Variants in AKAP13 observed in about 807,000 individuals in gnomAD.
The protein encoded by AKAP13 is A-kinase anchoring protein 13.
A neutral mutation model predicts 264.5 loss-of-function variants in AKAP13; 80 were observed. That is an observed-to-expected ratio of 0.30 (90% confidence interval 0.25 to 0.36). The LOEUF is 0.36. AKAP13 is among the 10% of genes least tolerant of loss of function. The pLI is 1.00. For synonymous variants in AKAP13, 1,380 were observed against 1,250.2 expected (o/e 1.10, Z -2.19); for missense variants, 3,712 against 3,435.2 (o/e 1.08, Z -2.01).
intron 8 of AKAP13, among the ~76,000 whole-genome samples, chr15:85,629,612 T>C (rs753780670): frequency 3.3e-5 from 5 of 152,142 alleles, no homozygotes; most frequent in African/African-American, 7.2e-5. Flanking sequence ...TCTACATGTA[T>C]GCTCTCCACA....
intron 8 of AKAP13, chr15:85,619,282 G>T (rs1175310348): frequency 1.2e-6 from 1 of 823,734 alleles, no homozygotes; most frequent in Non-Finnish European, 1.5e-6. Flanking sequence ...CGGGTGCGGA[G>T]CTGAAAGGGC....
chr15:85,582,680 T>G (rs1044703777), intron 7 of AKAP13, among the ~76,000 whole-genome samples: 8 of 152,110 alleles, frequency 5.3e-5, no homozygotes, highest in Non-Finnish European at 1.2e-4. Flanking sequence ...TTGTTTTTTT[T>G]GGGCTAGGGG....
At chr15:85,454,558 C>G (rs1474655797) in intron 1 of AKAP13, among the ~76,000 whole-genome samples, 1 of 152,108 alleles carries the variant, frequency 6.6e-6, no homozygotes, top group Admixed American at 6.5e-5. Flanking sequence ...GTTGTATTTA[C>G]TCACCCTTTC....
At chr15:85,475,122 A>G (rs867807712) in intron 1 of AKAP13, among the ~76,000 whole-genome samples, 19 of 152,148 alleles carry the variant, frequency 1.2e-4, no homozygotes, top group African/African-American at 4.1e-4. Context: ...GCTGGGGAGG[A>G]TGAAGGAAGT....
In AKAP13 at chr15:85,441,562, T is replaced by A. The variant is rs563120549; in HGVS notation, c.-11-44148T>A. ...TGGATCATACATTTGTTGTCATATA[T>A]CTAAGGGATCTTTGCCTTAGCCAAG... is the stretch of plus-strand genomic sequence containing the variant. On this transcript the variant is annotated intron_variant, in intron 1 of 36. Coordinates refer to ENST00000394518, the MANE Select transcript of AKAP13 (RefSeq NM_007200.5). Among the ~76,000 whole-genome samples, 5 of 152,324 alleles carry A rather than the reference T, an allele frequency of 3.3e-5. No individual in the cohort carries two copies. In the South Asian group the frequency reaches 1.0e-3, roughly 32 times the overall value.
At chr15:85,573,508 G>A (rs1254593620) in intron 5 of AKAP13, among the ~76,000 whole-genome samples, 2 of 151,678 alleles carry the variant, frequency 1.3e-5, no homozygotes, top group African/African-American at 2.4e-5. Context: ...TCGCACCACC[G>A]CACTCCAGCC....
At chr15:85,488,864 G>A (rs1450402953) in intron 2 of AKAP13, among the ~76,000 whole-genome samples, 1 of 152,182 alleles carries the variant, frequency 6.6e-6, no homozygotes, top group Non-Finnish European at 1.5e-5. Flanking sequence ...AATGATATAT[G>A]ATAATAAATT....
chr15:85,719,990 C>G (rs566106897), intron 23 of AKAP13, among the ~76,000 whole-genome samples: 6 of 151,878 alleles, frequency 4.0e-5, no homozygotes, highest in South Asian at 4.2e-4. Flanking sequence ...CCCAACAGTT[C>G]GGGAGGCTGA....
intron 5 of AKAP13, among the ~76,000 whole-genome samples, chr15:85,557,619 C>T (rs1316010221): frequency 6.6e-6 from 1 of 152,092 alleles, no homozygotes; most frequent in Non-Finnish European, 1.5e-5. Flanking sequence ...CACGCACCAC[C>T]ACTAACTAAC....
chr15:85,739,753 A>G (rs895657639), intron 33 of AKAP13, among the ~76,000 whole-genome samples: 11 of 151,972 alleles, frequency 7.2e-5, no homozygotes, highest in African/African-American at 2.7e-4. Flanking sequence ...TGCCTTTAAC[A>G]TTTTCAGATA....
At chr15:85,723,413 T>C in intron 26 of AKAP13, 93 bp downstream of exon 26, 3 of 1,536,794 alleles carry the variant, frequency 2.0e-6, no homozygotes, top group Non-Finnish European at 2.6e-6. Context: ...CAGATTTTTT[T>C]CCCAGAGAGC....
At chr15:85,676,058 C>G (rs1434974221) in intron 14 of AKAP13, among the ~76,000 whole-genome samples, 3 of 152,092 alleles carry the variant, frequency 2.0e-5, no homozygotes, top group Non-Finnish European at 2.9e-5. Context: ...ATTACAGGTG[C>G]CCACCACTAT....
chr15:85,688,738 C>G (rs1439841290), intron 16 of AKAP13, among the ~76,000 whole-genome samples: 1 of 152,074 alleles, frequency 6.6e-6, no homozygotes, highest in South Asian at 2.1e-4. Context: ...GAAATTGAGT[C>G]CTTGATCCTA....
At chr15:85,558,038 T>C (rs1230727403) in intron 5 of AKAP13, among the ~76,000 whole-genome samples, 1 of 152,204 alleles carries the variant, frequency 6.6e-6, no homozygotes, top group African/African-American at 2.4e-5. Context: ...GCCAGTAGTT[T>C]TTCTCCCCAG....
At chr15:85,557,504 G>C (rs2078193714) in intron 5 of AKAP13, among the ~76,000 whole-genome samples, 1 of 151,970 alleles carries the variant, frequency 6.6e-6, no homozygotes, top group African/African-American at 2.4e-5. Flanking sequence ...TTTGTTTTGA[G>C]ATAAGGTCTC....
rs1228032793 is a variant in AKAP13, at chr15:85,581,676, C to G, written c.3608C>G (p.Ala1203Gly). 1 of 1,614,022 alleles carries G rather than the reference C, an allele frequency of 6.2e-7. No homozygotes were observed. The highest frequency in any genetic ancestry group is 8.5e-7 in the Non-Finnish European group (1 of 1,180,046). Residue 1203 changes from alanine (A) to glycine (G), a missense_variant, in exon 7 of 37, where the codon GCC becomes GGC. This residue lies in a region of AKAP13 where 2,759 missense variants were observed against 2,411.7 expected (regional missense o/e 1.14). Coordinates refer to ENST00000394518, the MANE Select transcript of AKAP13 (RefSeq NM_007200.5). ...KELPTDMELSAHDDGAPAGVR... is the reference protein window; with the variant it reads ...KELPTDMELSGHDDGAPAGVR... ...CTCCCCACAGACATGGAGCTCTCAG[C>G]CCATGATGATGGGGCCCCAGCTGGT...
chr15:85,573,380 C>G (rs1241700911), intron 5 of AKAP13, among the ~76,000 whole-genome samples: 3 of 151,916 alleles, frequency 2.0e-5, no homozygotes, highest in Admixed American at 1.3e-4. Context: ...CCTGTCTCTA[C>G]TAAAAATACA....
intron 1 of AKAP13, among the ~76,000 whole-genome samples, chr15:85,418,645 T>G: frequency 6.6e-6 from 1 of 152,258 alleles, no homozygotes; most frequent in East Asian, 1.9e-4. Flanking sequence ...ATAAAATCAG[T>G]CATGACAAAA....
intron 5 of AKAP13, among the ~76,000 whole-genome samples, chr15:85,545,999 C>T (rs559895613): frequency 6.6e-6 from 1 of 152,260 alleles, no homozygotes; most frequent in Non-Finnish European, 1.5e-5. Flanking sequence ...TCTCCAGCCC[C>T]TGATAACCTC....
Sources: gnomAD v4.1 joint callset for allele counts (sites outside exome capture counted in the v4.1 genomes callset) on GRCh38, gnomAD v4.1.1 for gene constraint, gnomAD v4.1.1 regional missense constraint, MANE v1.5 for transcripts, NCBI Gene and HGNC (gene_info 2026-07-23, HGNC 2026-07-21) for gene names.